Variants in CELF2 observed in about 807,000 individuals in gnomAD.
CELF2 encodes CUG triplet repeat RNA-binding protein 2.
Under a neutral mutation model 62.6 loss-of-function variants are expected in CELF2, and 8 were observed. The observed-to-expected ratio is 0.13, with a 90% confidence interval of 0.07 to 0.23. CELF2 has a LOEUF of 0.23. CELF2 is among the 10% of genes least tolerant of loss of function. The pLI is 1.00. For missense variants in CELF2, 333 were observed against 671.0 expected, an observed-to-expected ratio of 0.50 and a Z score of 5.56; for synonymous variants, 258 against 250.0, an observed-to-expected ratio of 1.03 and a Z score of -0.30.
chr10:10,740,425 T>C, the CELF2 span, among the ~76,000 whole-genome samples: 6 of 152,156 alleles, frequency 3.9e-5, no homozygotes, highest in African/African-American at 1.4e-4. Context: ...GACCAGTGTG[T>C]AGATAAAAGG....
intron 2 of CELF2, among the ~76,000 whole-genome samples, chr10:11,171,045 C>CT (rs1369155343): frequency 1.3e-5 from 2 of 152,156 alleles, no homozygotes; most frequent in East Asian, 3.8e-4. Flanking sequence ...TTACTGGTCT[C>CT]TTTTGGCAAC....
At chr10:11,040,517 T>C (rs1450669493) in intron 1 of CELF2, among the ~76,000 whole-genome samples, 1 of 152,198 alleles carries the variant, frequency 6.6e-6, no homozygotes, top group African/African-American at 2.4e-5. Flanking sequence ...GTATCTTCTA[T>C]GTAGCGACGC....
the CELF2 span, among the ~76,000 whole-genome samples, chr10:10,782,125 TC>T: frequency 6.6e-6 from 1 of 151,918 alleles, no homozygotes; most frequent in Non-Finnish European, 1.5e-5. Flanking sequence ...TTCATGGGGG[TC>T]CTGGAACTAA....
At chr10:11,043,930 C>T (rs1046218179) in intron 1 of CELF2, among the ~76,000 whole-genome samples, 9 of 152,240 alleles carry the variant, frequency 5.9e-5, no homozygotes, top group African/African-American at 1.9e-4. Context: ...CAGCATCTTA[C>T]ATTTGCTCTG....
At chr10:10,696,930 A>G in the CELF2 span, among the ~76,000 whole-genome samples, 1 of 152,148 alleles carries the variant, frequency 6.6e-6, no homozygotes, top group African/African-American at 2.4e-5. Context: ...GAAATGCAGA[A>G]ATCACCCGTC....
Position 10,957,472 on chromosome 10 carries a change from G to A in CELF2, c.89+37473G>A, listed in dbSNP as rs1022292699. On this transcript the variant is annotated intron_variant, in intron 2 of 13. Transcript: ENST00000636488. The surrounding 1 kb of genome is among the most constrained non-coding windows in gnomAD (Gnocchi z 4.1). ...GCTAAGGCCAGAAGAAACCCTACTG[G>A]AATTAACCAGGATCTACTTTAAACA... Among the ~76,000 whole-genome samples the A allele has an allele frequency of 2.0e-5, 3 of 152,080 alleles. No homozygotes were observed. The highest frequency in any genetic ancestry group is 2.9e-5 in the Non-Finnish European group (2 of 68,012).
the CELF2 span, among the ~76,000 whole-genome samples, chr10:10,632,459 G>A: frequency 9.2e-5 from 14 of 151,570 alleles, no homozygotes; most frequent in East Asian, 1.9e-4. Context: ...ACACACACAC[G>A]TATAAGCTTC....
the CELF2 span, among the ~76,000 whole-genome samples, chr10:10,593,378 C>G: frequency 6.6e-6 from 1 of 152,188 alleles, no homozygotes; most frequent in African/African-American, 2.4e-5. Context: ...CACATGGTCT[C>G]TCATCCTCCA....
At chr10:11,068,819 C>T (rs1322314912) in intron 1 of CELF2, among the ~76,000 whole-genome samples, 3 of 152,168 alleles carry the variant, frequency 2.0e-5, no homozygotes, top group Non-Finnish European at 2.9e-5. Flanking sequence ...CTCAGCTTCC[C>T]AAAGTGCTGG....
intron 1 of CELF2, among the ~76,000 whole-genome samples, chr10:10,876,302 G>A (rs950313771): frequency 8.5e-5 from 13 of 152,210 alleles, no homozygotes; most frequent in South Asian, 6.2e-4. Context: ...GGAAGAGAGC[G>A]CTCCCATTGT....
chr10:11,194,856 A>C (rs868852509), intron 2 of CELF2, among the ~76,000 whole-genome samples: 32 of 152,160 alleles, frequency 2.1e-4, no homozygotes, highest in African/African-American at 7.0e-4. Context: ...AATCCCTCAT[A>C]TTTTATAGTA....
the CELF2 span, among the ~76,000 whole-genome samples, chr10:10,736,396 C>CTTTCTTTCTTTT: frequency 3.9e-5 from 3 of 75,984 alleles, no homozygotes; most frequent in African/African-American, 1.5e-4. Flanking sequence ...TTCTTTCTTT[C>CTTTCTTTCTTTT]TTTTTTTTTT....
At chr10:11,154,853 G>A (rs2064005692) in intron 1 of CELF2, among the ~76,000 whole-genome samples, 1 of 152,062 alleles carries the variant, frequency 6.6e-6, no homozygotes, top group Admixed American at 6.6e-5. Context: ...TCCACCCATC[G>A]CCCTTATTTC....
At chr10:11,022,916 A>C (rs375183055) in intron 1 of CELF2, among the ~76,000 whole-genome samples, 30 of 152,358 alleles carry the variant, frequency 2.0e-4, no homozygotes, top group African/African-American at 7.2e-4. Context: ...TACTATAAGC[A>C]TTCCGTATCT....
intron 11 of CELF2, among the ~76,000 whole-genome samples, chr10:11,322,970 C>T (rs1264523725): frequency 6.6e-6 from 1 of 151,976 alleles, no homozygotes; most frequent in Admixed American, 6.6e-5. Context: ...ACACAGAGGC[C>T]AGAAGGCCAG....
intron 1 of CELF2, among the ~76,000 whole-genome samples, chr10:10,813,334 G>T (rs867221): frequency 0.45 from 68,541 of 152,060 alleles, 15,847 homozygotes; most frequent in African/African-American, 0.58. Context: ...TAACCATGCT[G>T]TAGAACTCCA....
At chr10:11,126,652 A>G (rs1481093477) in intron 1 of CELF2, among the ~76,000 whole-genome samples, 1 of 152,192 alleles carries the variant, frequency 6.6e-6, no homozygotes, top group Non-Finnish European at 1.5e-5. Flanking sequence ...AATATACAAA[A>G]CACAATGTAT....
At chr10:10,613,240 G>T in the CELF2 span, among the ~76,000 whole-genome samples, 1,455 of 152,286 alleles carry the variant, frequency 9.6e-3, 18 homozygotes, top group Non-Finnish European at 0.014. Flanking sequence ...GTAAGTGTAA[G>T]CCATGTGGGG....
At chr10:10,616,857 G>A in the CELF2 span, among the ~76,000 whole-genome samples, 16 of 151,746 alleles carry the variant, frequency 1.1e-4, 1 homozygote, top group African/African-American at 3.9e-4. Context: ...CATGTAGCTG[G>A]GACCACAGGC....
Sources: gnomAD v4.1 joint callset for allele counts (sites outside exome capture counted in the v4.1 genomes callset) on GRCh38, gnomAD v4.1.1 for gene constraint, Gnocchi (gnomAD v3.1) non-coding constraint, MANE v1.5 for transcripts, NCBI Gene and HGNC (gene_info 2026-07-23, HGNC 2026-07-21) for gene names.